Variants in GRID2 observed in about 807,000 individuals in gnomAD.
GRID2 encodes the protein glutamate ionotropic receptor delta type subunit 2.
In GRID2, 33 loss-of-function variants were observed where a neutral mutation model predicts 114.8. That is an observed-to-expected ratio of 0.29 (90% CI 0.22 to 0.38). The LOEUF (loss-of-function observed/expected upper bound fraction) is 0.38. GRID2 is among the 10% of genes least tolerant of loss of function. The probability of loss-of-function intolerance (pLI) is 1.00; values close to 1 mark genes in which losing one functional copy is unlikely to be tolerated. For missense variants in GRID2, 1,184 were observed against 1,257.7 expected, an observed-to-expected ratio of 0.94 and a Z score of 0.89; for synonymous variants, 505 against 449.9, an observed-to-expected ratio of 1.12 and a Z score of -1.55.
At chr4:92,372,616 CTT>C (rs1560592276) in intron 1 of GRID2, among the ~76,000 whole-genome samples, 2 of 152,072 alleles carry the variant, frequency 1.3e-5, no homozygotes, top group African/African-American at 4.8e-5. Context: ...AAACCTAAAA[CTT>C]TGTGTGACTG....
At chr4:92,747,944 A>G (rs1560569685) in intron 2 of GRID2, among the ~76,000 whole-genome samples, 1 of 152,170 alleles carries the variant, frequency 6.6e-6, no homozygotes, top group Non-Finnish European at 1.5e-5. Flanking sequence ...TCCCTATACT[A>G]GAAGTTTCTG....
chr4:93,806,990 A>C (rs1244624206), exon 2 of GRID2: 1 of 152,242 alleles, frequency 6.6e-6, no homozygotes, highest in African/African-American at 2.4e-5. Context: ...AAAAACTCCT[A>C]TCCAGTTCAA....
At chr4:92,385,898 GTGTATA>G (rs756525749) in intron 1 of GRID2, among the ~76,000 whole-genome samples, 4,536 of 90,862 alleles carry the variant, frequency 0.05, 93 homozygotes, top group Admixed American at 0.1. Flanking sequence ...GTGTGTGTGT[GTGTATA>G]TATATATATA....
chr4:93,520,416 A>G (rs1265264293), intron 13 of GRID2, among the ~76,000 whole-genome samples: 1 of 152,092 alleles, frequency 6.6e-6, no homozygotes, highest in Non-Finnish European at 1.5e-5. Flanking sequence ...TGAGAAACTG[A>G]TGTTTGAATG....
At chr4:92,661,406 A>T (rs1031351471) in intron 2 of GRID2, among the ~76,000 whole-genome samples, 1 of 150,890 alleles carries the variant, frequency 6.6e-6, no homozygotes, top group Non-Finnish European at 1.5e-5. Context: ...CCAATACATT[A>T]AAAAATATCT....
chr4:92,807,032 AAT>A (rs1740451597), intron 2 of GRID2, among the ~76,000 whole-genome samples: 2 of 152,018 alleles, frequency 1.3e-5, no homozygotes, highest in Non-Finnish European at 2.9e-5. Flanking sequence ...CTGGAAAATC[AAT>A]CATCTTTTAT....
At chr4:93,738,195 T>C (rs1353086552) in intron 14 of GRID2, among the ~76,000 whole-genome samples, 1 of 152,094 alleles carries the variant, frequency 6.6e-6, no homozygotes, top group Non-Finnish European at 1.5e-5. Flanking sequence ...TTTAGGTTAG[T>C]GTAATTAGAG....
At chr4:93,466,108 G>A (rs559325996) in intron 11 of GRID2, among the ~76,000 whole-genome samples, 13 of 152,180 alleles carry the variant, frequency 8.5e-5, no homozygotes, top group South Asian at 2.1e-4. Flanking sequence ...ATTATATCTC[G>A]AGATCTGCAA....
chr4:93,052,080 T>C (rs959895752), intron 2 of GRID2, among the ~76,000 whole-genome samples: 1 of 152,066 alleles, frequency 6.6e-6, no homozygotes, highest in African/African-American at 2.4e-5. Context: ...ACTTATTTTA[T>C]CTGAGTTTTT....
chr4:93,680,740 A>G (rs1725439308), intron 14 of GRID2, among the ~76,000 whole-genome samples: 1 of 151,948 alleles, frequency 6.6e-6, no homozygotes. Context: ...CCTTCATGCT[A>G]AAAACTCTCA....
chr4:93,781,519 G>A (rs1227299162), intron 1 of GRID2, among the ~76,000 whole-genome samples: 3 of 152,164 alleles, frequency 2.0e-5, no homozygotes, highest in Non-Finnish European at 2.9e-5. Flanking sequence ...CTCAGTGTCA[G>A]TGGGGGGTTG....
At chr4:92,435,607 G>A (rs1732700456) in intron 1 of GRID2, among the ~76,000 whole-genome samples, 1 of 152,186 alleles carries the variant, frequency 6.6e-6, no homozygotes, top group Non-Finnish European at 1.5e-5. Context: ...CTAGCATGTT[G>A]AGCCTAGAGA....
chr4:93,613,876 C>A (rs900656848), intron 13 of GRID2, among the ~76,000 whole-genome samples: 1 of 151,620 alleles, frequency 6.6e-6, no homozygotes, highest in Admixed American at 6.6e-5. Flanking sequence ...TTTACCTAAG[C>A]AAGCCTGGGC....
At chr4:92,819,943 G>A (rs1741165060) in intron 2 of GRID2, among the ~76,000 whole-genome samples, 1 of 152,024 alleles carries the variant, frequency 6.6e-6, no homozygotes, top group Non-Finnish European at 1.5e-5. Context: ...CTTTTACTAA[G>A]CATCAGATAT....
intron 2 of GRID2, among the ~76,000 whole-genome samples, chr4:93,033,922 A>G (rs913929003): frequency 8.5e-5 from 13 of 152,160 alleles, no homozygotes; most frequent in African/African-American, 1.7e-4. Context: ...ACTTTGACTG[A>G]CATTGGTCAT....
chr4:93,466,559 G>A (rs1479537935), intron 11 of GRID2, among the ~76,000 whole-genome samples: 1 of 152,168 alleles, frequency 6.6e-6, no homozygotes, highest in African/African-American at 2.4e-5. Flanking sequence ...TAGGGAAGGG[G>A]TAGTAACTTT....
chr4:92,510,120 G>T (rs903477327), intron 1 of GRID2, among the ~76,000 whole-genome samples: 3 of 151,922 alleles, frequency 2.0e-5, no homozygotes, highest in African/African-American at 4.8e-5. Flanking sequence ...TGAGAGGGTG[G>T]ATGCCCAGTC....
intron 6 of GRID2, among the ~76,000 whole-genome samples, chr4:93,220,527 C>T (rs1313755646): frequency 6.6e-6 from 1 of 152,138 alleles, no homozygotes; most frequent in Admixed American, 6.6e-5. Context: ...AAAAGTAATA[C>T]TTCAAATTAT....
intron 1 of GRID2, among the ~76,000 whole-genome samples, chr4:92,566,089 G>A (rs1344806908): frequency 6.6e-6 from 1 of 151,890 alleles, no homozygotes; most frequent in African/African-American, 2.4e-5. Flanking sequence ...AGGCCTAAGA[G>A]GTTTCAATAA....
Sources: gnomAD v4.1 joint callset for allele counts (sites outside exome capture counted in the v4.1 genomes callset) on GRCh38, gnomAD v4.1.1 for gene constraint, MANE v1.5 for transcripts, NCBI Gene and HGNC (gene_info 2026-07-23, HGNC 2026-07-21) for gene names.